Variants in CIB4 observed in about 807,000 individuals in gnomAD.
The protein encoded by CIB4 is calcium and integrin binding family member 4, also known as calcium and integrin-binding family member 4.
Under a neutral mutation model 25.8 loss-of-function variants are expected in CIB4, and 25 were observed. That is an observed-to-expected ratio of 0.97 (90% CI 0.71 to 1.35). The LOEUF (loss-of-function observed/expected upper bound fraction) is 1.35, where lower values mean the gene tolerates loss of function less well. Ranked by LOEUF, CIB4 falls within the 40% of genes most tolerant of loss-of-function variation. The pLI, the probability that CIB4 is intolerant of heterozygous loss-of-function variation, is 0.00. For synonymous variants in CIB4, 75 were observed against 81.4 expected (o/e 0.92, Z 0.42); for missense variants, 235 against 228.2 (o/e 1.03, Z -0.19).
chr2:26,623,710 G>A (rs1472699424), intron 3 of CIB4: 38 of 355,034 alleles, frequency 1.1e-4, no homozygotes. Context: ...CCAGCAGGAA[G>A]CCCGGAGCAG....
At chr2:26,609,228 G>A (rs1400988516) in intron 3 of CIB4, among the ~76,000 whole-genome samples, 1 of 152,196 alleles carries the variant, frequency 6.6e-6, no homozygotes. Context: ...GGCCTGGGTG[G>A]AGGCAGGAGC....
At chr2:26,615,448 G>A (rs966676197) in intron 3 of CIB4, among the ~76,000 whole-genome samples, 5 of 152,154 alleles carry the variant, frequency 3.3e-5, no homozygotes, top group Non-Finnish European at 5.9e-5. Context: ...TTCACCCCTG[G>A]CGTGAGATTA....
chr2:26,616,007 G>T (rs972821891), intron 3 of CIB4, among the ~76,000 whole-genome samples: 1 of 152,248 alleles, frequency 6.6e-6, no homozygotes, highest in Non-Finnish European at 1.5e-5. Flanking sequence ...AGCGCTGGGG[G>T]GCGGTGGGGG....
chr2:26,630,440 A>G (rs1001704297), intron 2 of CIB4, among the ~76,000 whole-genome samples: 1 of 152,122 alleles, frequency 6.6e-6, no homozygotes, highest in Non-Finnish European at 1.5e-5. Context: ...ACATTTCTGA[A>G]CTTTAGTTTC....
Position 26,581,287 on chromosome 2 carries a change from G to T in CIB4, c.*76C>A. 2 of 1,235,884 alleles carry T rather than the reference G, an allele frequency of 1.6e-6. No individual in the cohort carries two copies. Among genetic ancestry groups the T allele is most frequent in the Non-Finnish European group, 2.4e-6 (2 of 836,186 alleles). 76.6% of individuals were successfully genotyped at this position (1,235,884 alleles called of 1,614,324 possible). A position where few individuals can be genotyped will look rare whatever the true frequency, so the allele number is the denominator to read the frequency against. On this transcript the variant is annotated 3_prime_UTR_variant, in exon 7 of 7. Transcript: ENST00000288861. ...CAGTACAAAGTCATACTTCAAACCAGCTCCCTCCAGTGCTGGAGGGGGTTC... is the reference window on the plus strand; with the variant it reads ...CAGTACAAAGTCATACTTCAAACCATCTCCCTCCAGTGCTGGAGGGGGTTC...
intron 3 of CIB4, among the ~76,000 whole-genome samples, chr2:26,626,891 T>C (rs140688016): frequency 1.3e-4 from 20 of 152,120 alleles, no homozygotes; most frequent in African/African-American, 4.6e-4. Context: ...AGGGGAAGCA[T>C]AAAAGATAGT....
At chr2:26,606,544 T>G (rs1668893726) in intron 3 of CIB4, among the ~76,000 whole-genome samples, 1 of 152,050 alleles carries the variant, frequency 6.6e-6, no homozygotes. Context: ...AATAAAAATG[T>G]GAAGGAGGAG....
intron 3 of CIB4, among the ~76,000 whole-genome samples, chr2:26,607,413 C>A (rs960281476): frequency 6.6e-6 from 1 of 152,210 alleles, no homozygotes; most frequent in African/African-American, 2.4e-5. Context: ...ACAAAACTTA[C>A]CCGTATTGTA....
rs560705963 is a variant in CIB4 at position 26,608,965 on chromosome 2, C to G, written c.187-13648G>C. Among the ~76,000 whole-genome samples the G allele has an allele frequency of 6.6e-5, 10 of 152,256 alleles. No individual in the cohort carries two copies. The South Asian group carries it at 2.1e-3, about 32-fold the overall frequency. ...GCAAGCCTGTCCTTTAACTGGCTTC[C>G]CTCTTCTAATTTCTGCCAGATTTTT... On this transcript the variant is annotated intron_variant, in intron 3 of 6. Coordinates refer to ENST00000288861, the MANE Select transcript of CIB4 (RefSeq NM_001029881.3).
At chr2:26,610,146 A>G (rs1301838915) in intron 3 of CIB4, among the ~76,000 whole-genome samples, 2 of 152,232 alleles carry the variant, frequency 1.3e-5, no homozygotes, top group East Asian at 3.9e-4. Context: ...AGATGGTGTC[A>G]GGGCTGCTTT....
intron 3 of CIB4, among the ~76,000 whole-genome samples, chr2:26,598,158 G>T (rs1396675486): frequency 4.6e-5 from 7 of 151,916 alleles, no homozygotes; most frequent in Non-Finnish European, 1.0e-4. Flanking sequence ...AAATTAGTAG[G>T]GCGTGATGGT....
intron 3 of CIB4, among the ~76,000 whole-genome samples, chr2:26,600,012 G>T (rs973970397): frequency 7.0e-6 from 1 of 142,804 alleles, no homozygotes; most frequent in East Asian, 1.9e-4. Flanking sequence ...GGCAGAGGTT[G>T]CAGTGAACCA....
At chr2:26,582,505 T>C (rs2148185341) in intron 6 of CIB4, among the ~76,000 whole-genome samples, 1 of 152,228 alleles carries the variant, frequency 6.6e-6, no homozygotes, top group East Asian at 1.9e-4. Flanking sequence ...CTGGAGGCAG[T>C]GGGGTCGTCA....
Position 26,613,563 on chromosome 2 carries a change from T to C in CIB4, c.186+15847A>G, listed in dbSNP as rs369143307. ...GGAGTATTTTAGCATTTCACCTCCA[T>C]TCTGTCATCCAGTCTTCGTAAAAAC... On this transcript the variant is annotated intron_variant, in intron 3 of 6. Transcript: ENST00000288861. Among the ~76,000 whole-genome samples the C allele has an allele frequency of 2.6e-5, 4 of 152,332 alleles. No homozygotes were observed. In the East Asian group the frequency reaches 5.8e-4, roughly 22 times the overall value.
Position 26,609,870 on chromosome 2 carries a change from C to T in CIB4, c.187-14553G>A, listed in dbSNP as rs1668964502. Among the ~76,000 whole-genome samples the T allele has an allele frequency of 2.0e-5, 3 of 152,312 alleles. No individual in the cohort carries two copies. In the South Asian group the frequency reaches 6.2e-4, roughly 32 times the overall value. Reference sequence around the variant, plus strand: ...GTTCCGAACAACCAATATGAAAACCCTTTAAAACACAATCTGTACCTGTAC... The same window carrying T: ...GTTCCGAACAACCAATATGAAAACCTTTTAAAACACAATCTGTACCTGTAC... On this transcript the variant is annotated intron_variant, in intron 3 of 6. Transcript: ENST00000288861.
intron 3 of CIB4, among the ~76,000 whole-genome samples, chr2:26,615,444 C>T (rs762408124): frequency 3.3e-5 from 5 of 152,220 alleles, no homozygotes; most frequent in African/African-American, 4.8e-5. Flanking sequence ...TCCCTTCACC[C>T]CTGGCGTGAG....
intron 3 of CIB4, among the ~76,000 whole-genome samples, chr2:26,610,935 C>T (rs1389764608): frequency 6.9e-6 from 1 of 144,596 alleles, no homozygotes; most frequent in Non-Finnish European, 1.5e-5. Context: ...CAGGAAAACG[C>T]TGCATTGCAA....
rs765763616 is a variant in CIB4 at position 26,640,517 on chromosome 2, C to A, written c.89+16G>T. 1.2e-5 allele frequency: 20 copies of A among 1,612,190 alleles called. No individual in the cohort carries two copies. In the Admixed American group the frequency reaches 2.2e-4, roughly 18 times the overall value. On this transcript the variant is annotated intron_variant, in intron 2 of 6. Coordinates refer to ENST00000288861, the MANE Select transcript of CIB4 (RefSeq NM_001029881.3). ...AGGAGCTGGGAGAAGGAAAGAGGGG[C>A]GGGGCTTCTACTCACCACAGAATTT...
At chr2:26,595,035 GC>G (rs1668653499) in intron 4 of CIB4, 140 bp downstream of exon 4, 1 of 747,202 alleles carries the variant, frequency 1.3e-6, no homozygotes, top group Non-Finnish European at 2.2e-6. Flanking sequence ...CATGGTACAT[GC>G]AAAATATGAC....
Sources: gnomAD v4.1 joint callset for allele counts (sites outside exome capture counted in the v4.1 genomes callset) on GRCh38, gnomAD v4.1.1 for gene constraint, MANE v1.5 for transcripts, NCBI Gene and HGNC (gene_info 2026-07-23, HGNC 2026-07-21) for gene names.